TRMT9B: variants seen among roughly 807,000 people sequenced by gnomAD.
The protein encoded by TRMT9B is tRNA methyltransferase 9B (putative).
In TRMT9B, 16 loss-of-function variants were observed where a neutral mutation model predicts 11.5. The ratio of observed to expected loss-of-function variants is 1.39; its 90% confidence interval spans 0.94 to 2.11. The LOEUF (loss-of-function observed/expected upper bound fraction) is 2.11. Among genes scored for constraint, TRMT9B ranks in the 30% most tolerant of loss-of-function variants. The pLI is 0.00. For synonymous variants in TRMT9B, 274 were observed against 192.4 expected, an observed-to-expected ratio of 1.42 and a Z score of -3.51; for missense variants, 941 against 553.8, an observed-to-expected ratio of 1.70 and a Z score of -7.02.
In TRMT9B at chr8:12,982,083, A is replaced by T. The variant is rs373997715; in HGVS notation, c.-199-8751A>T. Among the ~76,000 whole-genome samples, 30 of 152,208 alleles carry T rather than the reference A, an allele frequency of 2.0e-4. 1 individual carries two copies. Among genetic ancestry groups the T allele is most frequent in the Admixed American group, 5.9e-4 (9 of 15,286 alleles). Reference sequence around the variant, plus strand: ...TTTACAATATCTGTATCTATCTATTATATCTATCTGTCTACATACCTCTCC... The same window carrying T: ...TTTACAATATCTGTATCTATCTATTTTATCTATCTGTCTACATACCTCTCC... On this transcript the variant is annotated intron_variant, in intron 1 of 4. Coordinates refer to ENST00000524591, the MANE Select transcript of TRMT9B (RefSeq NM_020844.3).
chr8:13,000,963 G>C (rs1369139972), intron 2 of TRMT9B, among the ~76,000 whole-genome samples: 3 of 152,076 alleles, frequency 2.0e-5, no homozygotes, highest in Non-Finnish European at 4.4e-5. Context: ...GTTTCTTGGA[G>C]ATGAGTGACC....
At chr8:12,955,633 G>T (rs1035859345) in intron 1 of TRMT9B, among the ~76,000 whole-genome samples, 1 of 152,034 alleles carries the variant, frequency 6.6e-6, no homozygotes, top group East Asian at 1.9e-4. Context: ...GGTTCTTCTG[G>T]GGTGTTACGT....
rs2128904325 is a variant in TRMT9B at position 13,022,945 on chromosome 8, T to C, written c.*901T>C. On this transcript the variant is annotated 3_prime_UTR_variant, in exon 5 of 5. Coordinates refer to ENST00000524591, the MANE Select transcript of TRMT9B (RefSeq NM_020844.3). ...CTGCAGTGAACTATGATTGCATCAC[T>C]GCACTGCAGCCTGGGCAACATAGCA... 1 of 166,786 alleles carries C rather than the reference T, an allele frequency of 6.0e-6. No individual in the cohort carries two copies. The highest frequency in any genetic ancestry group is 1.5e-5 in the Non-Finnish European group (1 of 68,124). 10.3% of individuals were successfully genotyped at this position (166,786 alleles called of 1,614,324 possible).
chr8:12,977,686 C>T (rs1324726613), intron 1 of TRMT9B, among the ~76,000 whole-genome samples: 3 of 151,872 alleles, frequency 2.0e-5, no homozygotes, highest in East Asian at 1.9e-4. Context: ...TGTGACAGAG[C>T]AAGACTCTGT....
At chr8:13,004,976 C>T (rs769188858) in intron 2 of TRMT9B, among the ~76,000 whole-genome samples, 20 of 151,774 alleles carry the variant, frequency 1.3e-4, no homozygotes, top group East Asian at 1.2e-3. Context: ...GGCTCCCAGA[C>T]AGCACCTCTA....
chr8:12,946,796 A>G (rs1233662426), intron 1 of TRMT9B, among the ~76,000 whole-genome samples: 2 of 152,204 alleles, frequency 1.3e-5, no homozygotes, highest in Admixed American at 6.5e-5. Flanking sequence ...AGGAAGAAAG[A>G]GAAGAAGTGG....
chr8:12,986,024 G>C (rs1293217823), intron 1 of TRMT9B, among the ~76,000 whole-genome samples: 2 of 151,944 alleles, frequency 1.3e-5, no homozygotes, highest in Non-Finnish European at 2.9e-5. Context: ...ACCGCACCTG[G>C]CTAATTTTTG....
chr8:12,969,183 G>C (rs1306836388), intron 1 of TRMT9B, among the ~76,000 whole-genome samples: 1 of 152,092 alleles, frequency 6.6e-6, no homozygotes, highest in African/African-American at 2.4e-5. Flanking sequence ...CTCCAGCCTA[G>C]GCAAGAGAGT....
At chr8:12,949,084 T>C (rs12334536) in intron 1 of TRMT9B, among the ~76,000 whole-genome samples, 2,468 of 152,312 alleles carry the variant, frequency 0.016, 73 homozygotes, top group African/African-American at 0.056. Flanking sequence ...TGTTTCTACA[T>C]AGACTCTACT....
chr8:13,011,914 G>C (rs899577834), intron 3 of TRMT9B: 6 of 985,090 alleles, frequency 6.1e-6, no homozygotes, highest in Non-Finnish European at 7.2e-6. Context: ...ATAAATAATA[G>C]AAAAGTTGTT....
At chr8:13,017,314 C>G (rs1421676185) in intron 4 of TRMT9B, among the ~76,000 whole-genome samples, 4 of 152,162 alleles carry the variant, frequency 2.6e-5, no homozygotes, top group African/African-American at 9.7e-5. Context: ...TCATGTGTAA[C>G]TTCTCATCTG....
At chr8:13,019,194 A>G (rs1813354714) in intron 4 of TRMT9B, among the ~76,000 whole-genome samples, 1 of 152,220 alleles carries the variant, frequency 6.6e-6, no homozygotes, top group South Asian at 2.1e-4. Flanking sequence ...GATGGATTGT[A>G]TTTAGAAAAT....
chr8:13,017,111 A>C (rs941845367), intron 4 of TRMT9B, among the ~76,000 whole-genome samples: 6 of 152,006 alleles, frequency 3.9e-5, no homozygotes, highest in Non-Finnish European at 7.4e-5. Flanking sequence ...CGACAGAGCA[A>C]GACTGCGTCT....
intron 1 of TRMT9B, among the ~76,000 whole-genome samples, chr8:12,974,803 A>G (rs1477169504): frequency 6.6e-6 from 1 of 152,180 alleles, no homozygotes; most frequent in Non-Finnish European, 1.5e-5. Context: ...TTTTTAAAGT[A>G]GCTCACTTGG....
rs1469406856 is a variant in TRMT9B, at chr8:13,006,182, G to T, written c.-1-20G>T. 6 of 1,612,772 alleles carry T rather than the reference G, an allele frequency of 3.7e-6. No homozygotes were observed. The highest frequency in any genetic ancestry group is 4.2e-6 in the Non-Finnish European group (5 of 1,179,158). ...GCATAGGCTGACCTGCATGCCTTGG[G>T]TTGGTCCTGTTTTCTCCAGGATGGA... On this transcript the variant is annotated intron_variant, in intron 2 of 4. Coordinates refer to ENST00000524591, the MANE Select transcript of TRMT9B (RefSeq NM_020844.3).
At chr8:13,000,175 G>C (rs751778023) in intron 2 of TRMT9B, among the ~76,000 whole-genome samples, 1 of 152,196 alleles carries the variant, frequency 6.6e-6, no homozygotes, top group East Asian at 1.9e-4. Context: ...AGGGAACTTG[G>C]AAAGCAACAC....
intron 3 of TRMT9B, chr8:13,011,911 A>G (rs1039449766): frequency 9.1e-6 from 9 of 985,114 alleles, no homozygotes; most frequent in Non-Finnish European, 1.1e-5. Context: ...TGTATAAATA[A>G]TAGAAAAGTT....
chr8:12,976,675 G>C (rs1585166454), intron 1 of TRMT9B, among the ~76,000 whole-genome samples: 1 of 152,292 alleles, frequency 6.6e-6, no homozygotes, highest in African/African-American at 2.4e-5. Flanking sequence ...AGAGAGTTTA[G>C]TAAAAGGCCC....
At chr8:12,975,227 GA>G (rs1455048615) in intron 1 of TRMT9B, among the ~76,000 whole-genome samples, 5 of 152,014 alleles carry the variant, frequency 3.3e-5, no homozygotes, top group African/African-American at 1.2e-4. Context: ...GAGTATATGA[GA>G]AGAGATACAA....
Sources: allele counts gnomAD v4.1 joint callset (sites outside exome capture counted in the v4.1 genomes callset), GRCh38; gene constraint gnomAD v4.1.1; transcripts MANE v1.5; gene names NCBI Gene and HGNC (gene_info 2026-07-23, HGNC 2026-07-21).